GNPDA2: variants seen among roughly 807,000 people sequenced by gnomAD.
GNPDA2 encodes glucosamine-6-phosphate deaminase 2, also known as glcN6P deaminase 2.
GNPDA2 carries 24 observed loss-of-function variants against 27.0 expected under a neutral mutation model. That is an observed-to-expected ratio of 0.89 (90% CI 0.64 to 1.25). The LOEUF is 1.25. GNPDA2 is among the 50% of genes most tolerant of loss of function. GNPDA2 has a pLI of 0.00. For synonymous variants in GNPDA2, 94 were observed against 108.4 expected (o/e 0.87, Z 0.83); for missense variants, 286 against 335.1 (o/e 0.85, Z 1.14).
Position 44,702,147 on chromosome 4 carries a change from T to A in GNPDA2, c.*934A>T. The A allele has an allele frequency of 1.1e-6, 1 of 925,652 alleles. No homozygotes were observed. The highest frequency in any genetic ancestry group is 1.3e-6 in the Non-Finnish European group (1 of 775,076). The allele number at this position is 925,652 out of a possible 1,614,324, so 57.3% of individuals were successfully genotyped here. A position where few individuals can be genotyped will look rare whatever the true frequency, so the allele number is the denominator to read the frequency against. ...TTCTTCAGGTTCACTTCTGGAAATT[T>A]AGATAACTTATTTATTACACGCTTT... is the stretch of plus-strand genomic sequence containing the variant. On this transcript the variant is annotated 3_prime_UTR_variant, in exon 7 of 7. Coordinates refer to ENST00000295448, the MANE Select transcript of GNPDA2 (RefSeq NM_138335.3).
intron 4 of GNPDA2, among the ~76,000 whole-genome samples, chr4:44,714,952 G>C (rs1006341776): frequency 5.3e-5 from 8 of 152,132 alleles, no homozygotes; most frequent in African/African-American, 1.9e-4. Flanking sequence ...TGGGAGCGGG[G>C]AGGAGCGGGG....
intron 4 of GNPDA2, among the ~76,000 whole-genome samples, chr4:44,716,386 T>C (rs1049045444): frequency 1.6e-4 from 24 of 151,966 alleles, no homozygotes; most frequent in African/African-American, 5.6e-4. Context: ...GCAAAAAATT[T>C]TGATTTTAGT....
At chr4:44,719,160 T>G (rs1717513887) in intron 2 of GNPDA2, among the ~76,000 whole-genome samples, 1 of 152,026 alleles carries the variant, frequency 6.6e-6, no homozygotes, top group African/African-American at 2.4e-5. Context: ...GTTTTCTAAA[T>G]TTGTTACTTT....
chr4:44,717,209 G>A lies in GNPDA2; in HGVS notation c.313C>T (p.His105Tyr). 1 of 1,599,514 alleles carries A rather than the reference G, an allele frequency of 6.3e-7. No homozygotes were observed. Among genetic ancestry groups the A allele is most frequent in the Non-Finnish European group, 8.6e-7 (1 of 1,168,676 alleles). ...TCTGCAGCATTCCCGTCAAGGATAT[G>A]TGCATTATTAGGATCTATATCGATA... ...KHIDIDPNNAHILDGNAADLQ... is the reference protein window; with the variant it reads ...KHIDIDPNNAYILDGNAADLQ... The change falls in exon 4 of 7, where the codon CAT becomes TAT. Residue 105 changes from histidine (H) to tyrosine (Y), a missense_variant. By Grantham distance (83) the His-to-Tyr change is moderately conservative. Coordinates refer to ENST00000295448, the MANE Select transcript of GNPDA2 (RefSeq NM_138335.3).
intron 5 of GNPDA2, 97 bp from the exon 6 acceptor site, chr4:44,708,023 TGA>T: frequency 1.3e-6 from 1 of 777,872 alleles, no homozygotes. Context: ...TATTTTTTTC[TGA>T]GAGAAAGAAA....
intron 4 of GNPDA2, chr4:44,714,642 GT>G: frequency 1.0e-6 from 1 of 984,892 alleles, no homozygotes; most frequent in Non-Finnish European, 1.2e-6. Context: ...AGTTCTTAGA[GT>G]TTTTATTAAC....
chr4:44,717,522 T>C (rs958659873), intron 3 of GNPDA2, among the ~76,000 whole-genome samples: 7 of 151,904 alleles, frequency 4.6e-5, no homozygotes, highest in Non-Finnish European at 8.9e-5. Context: ...ATTTTGTAGG[T>C]GAACAATTGA....
At chr4:44,705,096 C>T in intron 6 of GNPDA2, 1 of 984,580 alleles carries the variant, frequency 1.0e-6, no homozygotes, top group Non-Finnish European at 1.2e-6. Context: ...CTTATCTAGG[C>T]ACTAAATAAA....
In GNPDA2 at chr4:44,717,305, A is replaced by G. The variant is rs745742178; in HGVS notation, c.227-10T>C. On this transcript the variant is annotated splice_polypyrimidine_tract_variant and intron_variant, in intron 3 of 6. Transcript: ENST00000295448. ...TGATTTCTTGGAAGTCCTAAAGATG[A>G]AGTTAATAAAAATATAAGTATTCCT... is the stretch of plus-strand genomic sequence containing the variant. 1 of 1,390,236 alleles carries G rather than the reference A, an allele frequency of 7.2e-7. No individual in the cohort carries two copies. The allele number at this position is 1,390,236 out of a possible 1,614,324, so 86.1% of individuals were successfully genotyped here. A position where few individuals can be genotyped will look rare whatever the true frequency, so the allele number is the denominator to read the frequency against.
intron 4 of GNPDA2, 112 bp downstream of exon 4, chr4:44,717,001 G>A (rs546650669): frequency 2.4e-5 from 15 of 634,088 alleles, no homozygotes; most frequent in Non-Finnish European, 4.0e-5. Context: ...CGCGTATTAC[G>A]GACAGCCACA....
At chr4:44,708,532 TGACTGA>T (rs1716757623) in intron 5 of GNPDA2, among the ~76,000 whole-genome samples, 1 of 149,828 alleles carries the variant, frequency 6.7e-6, no homozygotes, top group East Asian at 2.0e-4. Context: ...TAATCACATA[TGACTGA>T]TATTACCCTT....
At chr4:44,703,967 G>C (rs546497860) in intron 6 of GNPDA2, 2 of 984,696 alleles carry the variant, frequency 2.0e-6, no homozygotes, top group Admixed American at 1.2e-4. Flanking sequence ...ACATGGGAGG[G>C]TGGGGAAAGG....
Position 44,702,128 on chromosome 4 carries a change from A to G in GNPDA2, c.*953T>C. 1 of 958,110 alleles carries G rather than the reference A, an allele frequency of 1.0e-6. No individual in the cohort carries two copies. Among genetic ancestry groups the G allele is most frequent in the Non-Finnish European group, 1.2e-6 (1 of 804,706 alleles). 59.4% of individuals were successfully genotyped at this position (958,110 alleles called of 1,614,324 possible). On this transcript the variant is annotated 3_prime_UTR_variant, in exon 7 of 7. Transcript: ENST00000295448. ...TGGGAGTCGAATGCATGTATTCTTC[A>G]GGTTCACTTCTGGAAATTTAGATAA... is the stretch of plus-strand genomic sequence containing the variant.
At chr4:44,706,248 T>C (rs1716597500) in intron 6 of GNPDA2, 1 of 151,846 alleles carries the variant, frequency 6.6e-6, no homozygotes, top group South Asian at 2.1e-4. Flanking sequence ...CAGTTTGATA[T>C]ATTTGTGGCT....
In GNPDA2 at chr4:44,711,121, A is replaced by T. The variant is rs1388225146; in HGVS notation, c.426T>A (p.Gly142=). ...DLFVGGIGPD[G]HIAFNEPGSS... is the part of the protein sequence containing the mutation. ...ATCCAGGCTCATTGAAAGCGATATG[A>T]CCATCTGGACCAATTCCTTTCAAAA... is the stretch of plus-strand genomic sequence containing the variant. Residue 142 remains glycine, a synonymous_variant, in exon 5 of 7, where the codon GGT becomes GGA. Transcript: ENST00000295448. 1 of 1,592,252 alleles carries T rather than the reference A, an allele frequency of 6.3e-7. No individual in the cohort carries two copies. The highest frequency in any genetic ancestry group is 1.1e-5 in the South Asian group (1 of 87,178).
chr4:44,702,735 AT>A lies in GNPDA2; in HGVS notation c.*345del. 2.8e-6 allele frequency: 3 copies of A among 1,077,224 alleles called. No individual in the cohort carries two copies. Among genetic ancestry groups the A allele is most frequent in the Non-Finnish European group, 3.4e-6 (3 of 890,060 alleles). 66.7% of individuals were successfully genotyped at this position (1,077,224 alleles called of 1,614,324 possible). ...GAGTGTCTTGTCATTAAAAAATGAA[AT>A]ATACGCCACTGGAGTCATATCACAA... is the stretch of plus-strand genomic sequence containing the variant. On this transcript the variant is annotated 3_prime_UTR_variant, in exon 7 of 7. Transcript: ENST00000295448.
In GNPDA2 at chr4:44,703,043, G is replaced by A. The variant is rs1307989112; in HGVS notation, c.*38C>T. ...ATTCATCTACTACTTAGTAAAAAGTGCTCTGTTCATTCAAGCTGAATTTTG... is the reference window on the plus strand; with the variant it reads ...ATTCATCTACTACTTAGTAAAAAGTACTCTGTTCATTCAAGCTGAATTTTG... On this transcript the variant is annotated 3_prime_UTR_variant, in exon 7 of 7. Transcript: ENST00000295448. 6.2e-7 allele frequency: 1 copy of A among 1,607,254 alleles called. No homozygotes were observed. Among genetic ancestry groups the A allele is most frequent in the Non-Finnish European group, 8.5e-7 (1 of 1,177,710 alleles).
At chr4:44,718,453 TC>T in intron 2 of GNPDA2, 43 bp from the exon 3 acceptor site, 1 of 631,632 alleles carries the variant, frequency 1.6e-6, no homozygotes, top group Non-Finnish European at 2.6e-6. Context: ...GACTTAATAA[TC>T]TATTAAATAA....
At chr4:44,722,029 T>C in intron 2 of GNPDA2, 55 bp downstream of exon 2, 1 of 1,317,146 alleles carries the variant, frequency 7.6e-7, no homozygotes, top group Admixed American at 1.9e-5. Flanking sequence ...TTCAATTCCA[T>C]CAGAATTAAA....
Sources: allele counts gnomAD v4.1 joint callset (sites outside exome capture counted in the v4.1 genomes callset), GRCh38; gene constraint gnomAD v4.1.1; transcripts MANE v1.5; gene names NCBI Gene and HGNC (gene_info 2026-07-23, HGNC 2026-07-21).